TAOK1: variants seen among roughly 807,000 people sequenced by gnomAD.
TAOK1 encodes TAO kinase 1.
TAOK1 carries 21 observed loss-of-function variants against 138.3 expected under a neutral mutation model. That is an observed-to-expected ratio of 0.15 (90% CI 0.11 to 0.22). The LOEUF is 0.22. Ranked by LOEUF, TAOK1 falls within the 10% of genes least tolerant of loss-of-function variation. The pLI, the probability that TAOK1 is intolerant of heterozygous loss-of-function variation, is 1.00. For missense variants in TAOK1, 651 were observed against 1,227.7 expected (o/e 0.53, Z 7.02); for synonymous variants, 361 against 398.4 (o/e 0.91, Z 1.12).
At chr17:29,473,255 T>G (rs1177141063) in intron 3 of TAOK1, among the ~76,000 whole-genome samples, 1 of 152,202 alleles carries the variant, frequency 6.6e-6, no homozygotes, top group Non-Finnish European at 1.5e-5. Context: ...CCTTTGAAGC[T>G]TTGAAACCAG....
chr17:29,469,808 T>C (rs1322840032), intron 3 of TAOK1, among the ~76,000 whole-genome samples: 5 of 152,218 alleles, frequency 3.3e-5, no homozygotes. Context: ...TTTTTTTATG[T>C]TAAGGAATAC....
intron 1 of TAOK1, among the ~76,000 whole-genome samples, chr17:29,415,055 C>T (rs1361898760): frequency 2.6e-5 from 4 of 151,828 alleles, no homozygotes; most frequent in African/African-American, 4.8e-5. Flanking sequence ...CTGCAACCTC[C>T]GCCTCCCAGG....
At chr17:29,396,551 A>G (rs1389367780) in intron 1 of TAOK1, among the ~76,000 whole-genome samples, 1 of 152,170 alleles carries the variant, frequency 6.6e-6, no homozygotes, top group African/African-American at 2.4e-5. Flanking sequence ...AAATTATTTG[A>G]TCAAATAGTT....
intron 1 of TAOK1, among the ~76,000 whole-genome samples, chr17:29,421,435 G>A (rs1265530996): frequency 2.0e-5 from 3 of 152,178 alleles, no homozygotes; most frequent in African/African-American, 7.2e-5. Context: ...TGGTAATGTT[G>A]ACCTCATAAG....
At chr17:29,499,034 G>A (rs868223905) in intron 12 of TAOK1, among the ~76,000 whole-genome samples, 1 of 151,776 alleles carries the variant, frequency 6.6e-6, no homozygotes, top group African/African-American at 2.4e-5. Flanking sequence ...AAAGAATGTG[G>A]AACTATTTCA....
intron 1 of TAOK1, among the ~76,000 whole-genome samples, chr17:29,391,954 C>T (rs555209837): frequency 6.6e-6 from 1 of 152,288 alleles, no homozygotes; most frequent in South Asian, 2.1e-4. Context: ...CGGTGGCTCA[C>T]GCCTGTAATC....
intron 17 of TAOK1, among the ~76,000 whole-genome samples, chr17:29,528,860 A>G (rs1477691806): frequency 2.0e-5 from 3 of 151,028 alleles, no homozygotes; most frequent in South Asian, 4.1e-4. Flanking sequence ...AAAAAAAAAA[A>G]AAAAGAAATT....
intron 16 of TAOK1, among the ~76,000 whole-genome samples, chr17:29,521,759 T>C: frequency 6.6e-6 from 1 of 152,186 alleles, no homozygotes; most frequent in East Asian, 1.9e-4. Flanking sequence ...ATTTTTTGTG[T>C]TTTTAGTAGA....
At chr17:29,534,400 C>T in intron 19 of TAOK1, 100 bp downstream of exon 19, 5 of 1,095,858 alleles carry the variant, frequency 4.6e-6, no homozygotes, top group Non-Finnish European at 6.1e-6. Flanking sequence ...CATTAGATTT[C>T]TTTCACAATA....
At chr17:29,409,017 A>G (rs990607524) in intron 1 of TAOK1, among the ~76,000 whole-genome samples, 2 of 151,828 alleles carry the variant, frequency 1.3e-5, no homozygotes, top group Non-Finnish European at 2.9e-5. Context: ...CAGGCCTCTG[A>G]TGTGATTTCT....
At chr17:29,464,399 G>A (rs1424820350) in intron 2 of TAOK1, among the ~76,000 whole-genome samples, 1 of 148,346 alleles carries the variant, frequency 6.7e-6, no homozygotes, top group African/African-American at 2.5e-5. Flanking sequence ...AGCCAAGATC[G>A]CAGCGCTGCA....
rs200463432 is a variant in TAOK1 at position 29,447,455 on chromosome 17, C to T, written c.-94-4000C>T. ...AAGCAATTCTCCCACCTCAGCCTCC[C>T]GAGTAGCTGGGACTACAGGCATGCA... On this transcript the variant is annotated intron_variant, in intron 1 of 19. Transcript: ENST00000261716. Among the ~76,000 whole-genome samples, 10 of 151,762 alleles carry T rather than the reference C, an allele frequency of 6.6e-5. No homozygotes were observed. The East Asian group carries it at 7.8e-4, about 12-fold the overall frequency.
chr17:29,530,603 T>A lies in TAOK1; in HGVS notation c.2345T>A (p.Met782Lys). The change falls in exon 18 of 20, where the codon ATG becomes AAG. Residue 782 changes from methionine (M) to lysine (K), a missense_variant. Met to Lys is a moderately conservative substitution (Grantham distance 95, BLOSUM62 -1). Coordinates refer to ENST00000261716, the MANE Select transcript of TAOK1 (RefSeq NM_020791.4). ...CAGTATGATCACAGCATTAATGAAA[T>A]GCTCTCCACACAAGCCGTGAGTTTG... ...AEQYDHSINE[M>K]LSTQALRLDE... The A allele has an allele frequency of 6.2e-7, 1 of 1,614,126 alleles. No homozygotes were observed. The highest frequency in any genetic ancestry group is 8.5e-7 in the Non-Finnish European group (1 of 1,180,026).
chr17:29,531,405 G>A (rs186267832), intron 18 of TAOK1, among the ~76,000 whole-genome samples: 3 of 152,070 alleles, frequency 2.0e-5, no homozygotes, highest in Non-Finnish European at 2.9e-5. Context: ...TTGGCCTCCC[G>A]AGTAGCTGAG....
chr17:29,524,356 G>A (rs116815167), intron 17 of TAOK1, among the ~76,000 whole-genome samples: 1,632 of 152,258 alleles, frequency 0.011, 35 homozygotes, highest in African/African-American at 0.037. Flanking sequence ...AAGTCATACC[G>A]TAAATCTGAT....
At chr17:29,446,678 A>G (rs563891924) in intron 1 of TAOK1, among the ~76,000 whole-genome samples, 3 of 152,238 alleles carry the variant, frequency 2.0e-5, no homozygotes, top group South Asian at 2.1e-4. Context: ...TTTTCAGTCA[A>G]CAGTGGACCA....
chr17:29,468,759 G>T (rs1323535696), intron 3 of TAOK1, among the ~76,000 whole-genome samples: 1 of 151,962 alleles, frequency 6.6e-6, no homozygotes. Context: ...ACGTTGGCCA[G>T]GCTGGTCTTG....
At chr17:29,401,380 A>G (rs2153020137) in intron 1 of TAOK1, among the ~76,000 whole-genome samples, 1 of 152,242 alleles carries the variant, frequency 6.6e-6, no homozygotes, top group Middle Eastern at 3.4e-3. Context: ...ATCATAGCGG[A>G]AGTGGAAGTG....
In TAOK1 at chr17:29,390,768, C is replaced by T. The variant is rs1219974358; in HGVS notation, c.-351C>T. On this transcript the variant is annotated 5_prime_UTR_variant, in exon 1 of 20. Coordinates refer to ENST00000261716, the MANE Select transcript of TAOK1 (RefSeq NM_020791.4). ...GACGGCTCCCGGCACTTCCCCGCGC[C>T]ATCTTAACTGAGCCCAAGCGCTGAG... The T allele has an allele frequency of 6.6e-6, 1 of 152,214 alleles. No individual in the cohort carries two copies. The highest frequency in any genetic ancestry group is 2.4e-5 in the African/African-American group (1 of 41,368). The allele number at this position is 152,214 out of a possible 1,614,324, so 9.4% of individuals were successfully genotyped here.
Sources: allele counts gnomAD v4.1 joint callset (sites outside exome capture counted in the v4.1 genomes callset), GRCh38; gene constraint gnomAD v4.1.1; transcripts MANE v1.5; gene names NCBI Gene and HGNC (gene_info 2026-07-23, HGNC 2026-07-21).